The following CSMD1 variants were observed in gnomAD, a reference collection of about 807,000 sequenced individuals.
CSMD1 encodes CUB and Sushi multiple domains 1.
CSMD1 carries 213 observed loss-of-function variants against 417.5 expected under a neutral mutation model. The observed-to-expected ratio is 0.51, with a 90% CI of 0.46 to 0.57. CSMD1 has a LOEUF of 0.57. CSMD1 is among the 20% of genes least tolerant of loss of function. The pLI is 0.00. For synonymous variants in CSMD1, 2,862 were observed against 1,736.8 expected (o/e 1.65, Z -16.11); for missense variants, 6,923 against 4,529.7 (o/e 1.53, Z -15.17).
At chr8:3,298,844 C>G (rs182741728) in intron 25 of CSMD1, among the ~76,000 whole-genome samples, 40 of 152,302 alleles carry the variant, frequency 2.6e-4, no homozygotes, top group African/African-American at 8.9e-4. Context: ...GAATAGAGCT[C>G]AAAGGTCTAT....
intron 3 of CSMD1, among the ~76,000 whole-genome samples, chr8:4,111,206 G>C (rs1485032011): frequency 2.0e-5 from 3 of 152,044 alleles, no homozygotes; most frequent in African/African-American, 7.2e-5. Context: ...TTTGTGTTAT[G>C]TTTGTCATCA....
intron 7 of CSMD1, among the ~76,000 whole-genome samples, chr8:3,619,815 C>G (rs1802332004): frequency 6.6e-6 from 1 of 152,158 alleles, no homozygotes; most frequent in Non-Finnish European, 1.5e-5. Flanking sequence ...GTGGCTCACA[C>G]AACGTAATAT....
rs575966113 is a variant in CSMD1 at position 4,217,393 on chromosome 8, A to G, written c.416-185294T>C. ...ATTAGGGAACTTCATTTCATGAAAT[A>G]TAACTCTAATATAGTTTGACACATT... On this transcript the variant is annotated intron_variant, in intron 3 of 69. Transcript: ENST00000635120. Among the ~76,000 whole-genome samples, 13 of 152,328 alleles carry G rather than the reference A, an allele frequency of 8.5e-5. No individual in the cohort carries two copies. The South Asian group carries it at 2.3e-3, about 27-fold the overall frequency.
chr8:4,646,618 T>G (rs897863278), intron 1 of CSMD1, among the ~76,000 whole-genome samples: 11 of 151,876 alleles, frequency 7.2e-5, no homozygotes, highest in Non-Finnish European at 2.9e-5. Flanking sequence ...AGTGCCATAG[T>G]TGTCTTTCCT....
In CSMD1 at chr8:4,543,458, T is replaced by A. The variant is rs189541460; in HGVS notation, c.302+93884A>T. ...GTGCAGTTAAGTTTCCTCCATGCCC[T>A]TGCATGAATTAATTGTTTCCCTTTA... On this transcript the variant is annotated intron_variant, in intron 2 of 69. Coordinates refer to ENST00000635120, the MANE Select transcript of CSMD1 (RefSeq NM_033225.6). Among the ~76,000 whole-genome samples, 4 of 152,222 alleles carry A rather than the reference T, an allele frequency of 2.6e-5. No individual in the cohort carries two copies. In the East Asian group the frequency reaches 7.7e-4, roughly 29 times the overall value.
chr8:4,762,402 G>A (rs2117102431), intron 1 of CSMD1, among the ~76,000 whole-genome samples: 2 of 152,104 alleles, frequency 1.3e-5, no homozygotes, highest in South Asian at 4.2e-4. Context: ...GGTATTCTGA[G>A]CTATTACATA....
intron 2 of CSMD1, among the ~76,000 whole-genome samples, chr8:4,466,921 G>A (rs543188175): frequency 2.0e-5 from 3 of 151,868 alleles, no homozygotes; most frequent in East Asian, 1.9e-4. Flanking sequence ...TGTTTTTACA[G>A]CATTGAAATT....
At chr8:3,335,476 G>A (rs1454620551) in intron 23 of CSMD1, among the ~76,000 whole-genome samples, 3 of 152,096 alleles carry the variant, frequency 2.0e-5, no homozygotes, top group East Asian at 1.9e-4. Flanking sequence ...TCGGGAGATC[G>A]AGACCAGCCT....
At chr8:3,448,340 G>A (rs1485773884) in intron 12 of CSMD1, among the ~76,000 whole-genome samples, 1 of 101,844 alleles carries the variant, frequency 9.8e-6, no homozygotes, top group Non-Finnish European at 2.1e-5. Flanking sequence ...AGGGAGGGAG[G>A]GAGGGAGGAA....
chr8:3,281,630 A>C (rs111337278), intron 26 of CSMD1, among the ~76,000 whole-genome samples: 2,910 of 152,328 alleles, frequency 0.019, 70 homozygotes, highest in South Asian at 0.1. Flanking sequence ...AGGAAAAGAC[A>C]AAACTATGGA....
At chr8:3,565,801 A>C (rs2116890340) in intron 10 of CSMD1, among the ~76,000 whole-genome samples, 1 of 152,126 alleles carries the variant, frequency 6.6e-6, no homozygotes, top group South Asian at 2.1e-4. Context: ...TAACCCTGAG[A>C]TATCTCTCAA....
chr8:4,898,797 T>A (rs1233468773), intron 1 of CSMD1, among the ~76,000 whole-genome samples: 2 of 152,148 alleles, frequency 1.3e-5, no homozygotes, highest in Non-Finnish European at 2.9e-5. Context: ...AACTGCATAA[T>A]AAATATTTAT....
chr8:4,066,065 T>A (rs2114246), intron 3 of CSMD1, among the ~76,000 whole-genome samples: 1 of 152,132 alleles, frequency 6.6e-6, no homozygotes, highest in Non-Finnish European at 1.5e-5. Flanking sequence ...AAGCCTGGAA[T>A]AGGTGGCTCA....
At chr8:4,743,454 A>G (rs1307739230) in intron 1 of CSMD1, among the ~76,000 whole-genome samples, 1 of 152,144 alleles carries the variant, frequency 6.6e-6, no homozygotes, top group Non-Finnish European at 1.5e-5. Context: ...AGCAGAGTAG[A>G]GCGCTTCTCA....
chr8:4,400,289 A>G (rs1450821667), intron 3 of CSMD1, among the ~76,000 whole-genome samples: 4 of 152,346 alleles, frequency 2.6e-5, no homozygotes, highest in Admixed American at 6.5e-5. Context: ...GTAAGATACT[A>G]GCAAATGGGA....
chr8:3,580,976 C>G (rs1800357869), intron 9 of CSMD1, among the ~76,000 whole-genome samples: 1 of 152,194 alleles, frequency 6.6e-6, no homozygotes, highest in Admixed American at 6.5e-5. Flanking sequence ...TAACTTTATT[C>G]CCTGACTCTG....
At chr8:4,345,444 G>A (rs1349963054) in intron 3 of CSMD1, among the ~76,000 whole-genome samples, 1 of 151,856 alleles carries the variant, frequency 6.6e-6, no homozygotes, top group African/African-American at 2.4e-5. Context: ...ATAAAGAAGA[G>A]AAAAAATAGA....
rs115169710 is a variant in CSMD1, at chr8:3,324,922, T to C, written c.3632-16419A>G. Among the ~76,000 whole-genome samples, 1,284 of 152,318 alleles carry C rather than the reference T, an allele frequency of 8.4e-3. 20 individuals carry two copies. The highest frequency in any genetic ancestry group is 0.029 in the African/African-American group (1,212 of 41,556). On this transcript the variant is annotated intron_variant, in intron 23 of 69. Coordinates refer to ENST00000635120, the MANE Select transcript of CSMD1 (RefSeq NM_033225.6). ...GGTCTAGTTGCCTGGCACTGGAATT[T>C]AATTGACAGGATTATTTTCATATCA...
At chr8:4,068,094 GA>G (rs1041315461) in intron 3 of CSMD1, among the ~76,000 whole-genome samples, 1 of 151,686 alleles carries the variant, frequency 6.6e-6, no homozygotes, top group African/African-American at 2.4e-5. Flanking sequence ...AAGAAAAAAA[GA>G]AAAAAAGGGA....
Sources: allele counts gnomAD v4.1 joint callset (sites outside exome capture counted in the v4.1 genomes callset), GRCh38; gene constraint gnomAD v4.1.1; transcripts MANE v1.5; gene names NCBI Gene and HGNC (gene_info 2026-07-23, HGNC 2026-07-21).